Variants in RANGAP1 observed in about 807,000 individuals in gnomAD.
RANGAP1 encodes Ran GTPase activating protein 1.
RANGAP1 carries 38 observed loss-of-function variants against 63.5 expected under a neutral mutation model. The ratio of observed to expected loss-of-function variants is 0.60; its 90% confidence interval spans 0.46 to 0.78. The LOEUF (loss-of-function observed/expected upper bound fraction) is 0.78, where lower values mean the gene tolerates loss of function less well. RANGAP1 is among the 30% of genes least tolerant of loss of function. RANGAP1 has a pLI of 0.00. For synonymous variants in RANGAP1, 329 were observed against 310.5 expected, an observed-to-expected ratio of 1.06 and a Z score of -0.63; for missense variants, 630 against 740.3, an observed-to-expected ratio of 0.85 and a Z score of 1.73.
chr22:41,299,972 C>G, the RANGAP1 span, among the ~76,000 whole-genome samples: 3 of 151,690 alleles, frequency 2.0e-5, no homozygotes, highest in East Asian at 5.8e-4. Flanking sequence ...AGGATGGTCT[C>G]GATCTCCTGA....
intron 8 of RANGAP1, 93 bp from the exon 9 acceptor site, chr22:41,256,383 G>A: frequency 7.8e-7 from 1 of 1,286,330 alleles, no homozygotes; most frequent in African/African-American, 1.5e-5. Flanking sequence ...GTGAGGATAT[G>A]GCAGGCTCTG....
At chr22:41,292,909 T>C in the RANGAP1 span, among the ~76,000 whole-genome samples, 1 of 148,680 alleles carries the variant, frequency 6.7e-6, no homozygotes, top group African/African-American at 2.5e-5. Flanking sequence ...TTCCAGACCA[T>C]CCTGGGCAAC....
At chr22:41,260,674 C>G (rs1357826108) in intron 6 of RANGAP1, among the ~76,000 whole-genome samples, 1 of 152,164 alleles carries the variant, frequency 6.6e-6, no homozygotes, top group Non-Finnish European at 1.5e-5. Flanking sequence ...TGGTAAAACC[C>G]CGTCTCTAAT....
rs148397940 is a variant in RANGAP1, at chr22:41,281,036, C to T, written c.9G>A (p.Ser3=). 96 of 1,602,314 alleles carry T rather than the reference C, an allele frequency of 6.0e-5. No individual in the cohort carries two copies. The highest frequency in any genetic ancestry group is 1.8e-4 in the Middle Eastern group (1 of 5,650). Residue 3 remains serine, a synonymous_variant, in exon 2 of 16, where the codon TCG becomes TCA. Transcript: ENST00000356244. ...TCTCTGCCAGCTTGGCAATGTCTTC[C>T]GAGGCCATGTTGACTAGGCTGGTGG... MA[S]EDIAKLAETL...
At position 41,264,761 on chromosome 22, in the gene RANGAP1, C is replaced by T; in HGVS notation, c.383G>A (p.Gly128Asp). 1 of 1,614,152 alleles carries T rather than the reference C, an allele frequency of 6.2e-7. No individual in the cohort carries two copies. The highest frequency in any genetic ancestry group is 8.5e-7 in the Non-Finnish European group (1 of 1,179,956). The stretch of plus-strand genomic sequence containing the variant: ...GAGCAGGGCCTCGAAGCCTTGCACA[C>T]CGTCGGGCCCGAATGCGTTGTCGCT... ...DLSDNAFGPD[G>D]VQGFEALLKS... Residue 128 changes from glycine (G) to aspartate (D), a missense_variant, in exon 5 of 16, where the codon GGT (glycine) becomes GAT (aspartate). Gly to Asp is a moderately conservative substitution (Grantham distance 94, BLOSUM62 -1). This residue lies in a region of RANGAP1 where 137 missense variants were observed against 214.3 expected (regional missense o/e 0.64). Coordinates refer to ENST00000356244, the MANE Select transcript of RANGAP1 (RefSeq NM_002883.4).
chr22:41,296,398 G>A, the RANGAP1 span, among the ~76,000 whole-genome samples: 1 of 152,166 alleles, frequency 6.6e-6, no homozygotes, highest in Non-Finnish European at 1.5e-5. Flanking sequence ...TGTAATCCCA[G>A]CACTCTGGGA....
At chr22:41,256,343 A>G in intron 8 of RANGAP1, 53 bp from the exon 9 acceptor site, 1 of 1,544,208 alleles carries the variant, frequency 6.5e-7, no homozygotes, top group East Asian at 2.2e-5. Context: ...CCAGGACACC[A>G]GGTTCTACTC....
chr22:41,262,526 G>A (rs561585209), intron 5 of RANGAP1, among the ~76,000 whole-genome samples: 89 of 152,304 alleles, frequency 5.8e-4, no homozygotes, highest in Admixed American at 9.2e-4. Flanking sequence ...AAGGTCACCC[G>A]GTAAGTATTT....
At chr22:41,256,657 C>T (rs1178146904) in intron 8 of RANGAP1, 54 bp downstream of exon 8, 12 of 1,520,058 alleles carry the variant, frequency 7.9e-6, no homozygotes, top group Admixed American at 3.4e-5. Context: ...TGCCCCCAGC[C>T]GCCCCACCAC....
chr22:41,254,683 A>G (rs1601605584), intron 10 of RANGAP1, 189 bp from the exon 11 acceptor site: 14 of 980,896 alleles, frequency 1.4e-5, no homozygotes, highest in Non-Finnish European at 1.7e-5. Context: ...ACACAAAAAA[A>G]TAAGATCGGC....
chr22:41,269,608 G>A (rs1482822850), intron 3 of RANGAP1, among the ~76,000 whole-genome samples: 1 of 151,792 alleles, frequency 6.6e-6, no homozygotes, highest in Non-Finnish European at 1.5e-5. Flanking sequence ...GGTGGTGCAC[G>A]CCTGTAGTCC....
rs368309116 is a variant in RANGAP1 at position 41,247,053 on chromosome 22, TTTTC to T, written c.1695-385_1695-382del. On this transcript the variant is annotated intron_variant, in intron 15 of 15. Transcript: ENST00000356244. The stretch of plus-strand genomic sequence containing the variant: ...TTGTTTTTTTGGTTGCTTTTTTTCT[TTTTC>T]TTTTTCTTTTTTTTTTGAGACGGAG... 5.1e-4 allele frequency among the ~76,000 whole-genome samples: 77 copies of T among 152,268 alleles called. 1 individual carries two copies. In the East Asian group the frequency reaches 0.014, roughly 27 times the overall value.
chr22:41,268,947 C>T (rs2034639945), intron 3 of RANGAP1, among the ~76,000 whole-genome samples: 1 of 152,140 alleles, frequency 6.6e-6, no homozygotes, highest in East Asian at 1.9e-4. Context: ...GGAGAGCAAG[C>T]CTCAGGCTCA....
At chr22:41,281,344 GC>G (rs1411478501) in intron 1 of RANGAP1, 1 of 902,594 alleles carries the variant, frequency 1.1e-6, no homozygotes, top group Non-Finnish European at 1.4e-6. Flanking sequence ...CTGCTAAACT[GC>G]CGCAGCTGGA....
the RANGAP1 span, among the ~76,000 whole-genome samples, chr22:41,301,233 G>A: frequency 6.6e-6 from 1 of 152,222 alleles, no homozygotes; most frequent in East Asian, 1.9e-4. Flanking sequence ...GCCGGAGAAG[G>A]GGGGCGGGGG....
the RANGAP1 span, among the ~76,000 whole-genome samples, chr22:41,294,226 A>T: frequency 2.6e-5 from 4 of 152,052 alleles, no homozygotes; most frequent in East Asian, 5.8e-4. Flanking sequence ...TGGTTTTCGT[A>T]TTTTTTTGGT....
chr22:41,270,892 C>T (rs1307004550), intron 3 of RANGAP1, among the ~76,000 whole-genome samples: 1 of 152,020 alleles, frequency 6.6e-6, no homozygotes, highest in Non-Finnish European at 1.5e-5. Flanking sequence ...CAACAGATAC[C>T]GGCAGGTCAT....
chr22:41,285,582 G>C, intron 1 of RANGAP1: 1 of 985,434 alleles, frequency 1.0e-6, no homozygotes, highest in Non-Finnish European at 1.2e-6. Context: ...CGGGGCCCCC[G>C]CGGGCGTGGG....
intron 4 of RANGAP1, 135 bp downstream of exon 4, chr22:41,267,962 C>T (rs922760529): frequency 4.4e-6 from 4 of 913,086 alleles, no homozygotes; most frequent in Admixed American, 4.6e-5. Flanking sequence ...CTGGACTTGC[C>T]GGGCTTCCAT....
Sources: gnomAD v4.1 joint callset for allele counts (sites outside exome capture counted in the v4.1 genomes callset) on GRCh38, gnomAD v4.1.1 for gene constraint, gnomAD v4.1.1 regional missense constraint, MANE v1.5 for transcripts, NCBI Gene and HGNC (gene_info 2026-07-23, HGNC 2026-07-21) for gene names.